Variants in CCAR2 observed in about 807,000 individuals in gnomAD.
CCAR2 encodes the protein cell cycle and apoptosis regulator 2, also known as cell cycle and apoptosis regulator protein 2.
Under a neutral mutation model 108.1 loss-of-function variants are expected in CCAR2, and 21 were observed. That is an observed-to-expected ratio of 0.19 (90% CI 0.14 to 0.28). The LOEUF (loss-of-function observed/expected upper bound fraction) is 0.28. CCAR2 is among the 10% of genes least tolerant of loss of function. CCAR2 has a pLI of 1.00. For synonymous variants in CCAR2, 577 were observed against 472.8 expected (o/e 1.22, Z -2.86); for missense variants, 1,126 against 1,177.0 (o/e 0.96, Z 0.63).
intron 7 of CCAR2, among the ~76,000 whole-genome samples, chr8:22,609,826 C>T (rs984341349): frequency 2.6e-5 from 4 of 152,144 alleles, no homozygotes; most frequent in African/African-American, 9.7e-5. Context: ...TGCTGAGGCC[C>T]ATGCAAGGTC....
chr8:22,614,878 G>T lies in CCAR2; in HGVS notation c.1082G>T (p.Gly361Val). ...GRKEEEAVLV[G>V]GEWSPSLDGL... ...AAAGAAGAGGAGGCAGTGCTGGTTG[G>T]GGGTGAATGGTCTCCTTCCCTGGAT... Residue 361 changes from glycine to valine, a missense_variant, in exon 11 of 21, where the codon GGG becomes GTG. Gly to Val is a moderately radical substitution (Grantham distance 109, BLOSUM62 -3). Transcript: ENST00000308511. 1 of 1,614,052 alleles carries T rather than the reference G, an allele frequency of 6.2e-7. No homozygotes were observed. The highest frequency in any genetic ancestry group is 8.5e-7 in the Non-Finnish European group (1 of 1,180,044).
intron 1 of CCAR2, 157 bp from the exon 2 acceptor site, chr8:22,605,575 ATTTC>A (rs1457292848): frequency 3.4e-6 from 2 of 588,076 alleles, no homozygotes; most frequent in African/African-American, 3.7e-5. Flanking sequence ...TTCTTGTTTC[ATTTC>A]TTTCTTCTCT....
At chr8:22,615,216 C>A in intron 11 of CCAR2, 1 of 860,848 alleles carries the variant, frequency 1.2e-6, no homozygotes, top group Non-Finnish European at 1.7e-6. Context: ...GTCCTTGCAC[C>A]TTGTAGGGTG....
At position 22,607,315 on chromosome 8, in the gene CCAR2, T is replaced by G. The variant is rs202167215; in HGVS notation, c.477T>G (p.Phe159Leu). ...IFQPHRIPPL[F>L]PQKPLSLFQT... is the part of the protein sequence containing the mutation. ...AGCCTCACCGGATTCCCCCACTCTT[T>G]CCTCAGAAGCGTGAGTACGAGTGGC... is the stretch of plus-strand genomic sequence containing the variant. The change falls in exon 6 of 21, where the codon TTT (phenylalanine) becomes TTG (leucine). Residue 159 changes from phenylalanine (F) to leucine (L), a missense_variant. Around this residue, in one of 4 missense-constraint regions of CCAR2, gnomAD observed 1,013 missense variants for 993.9 expected, o/e 1.02. Transcript: ENST00000308511. The G allele has an allele frequency of 2.5e-6, 4 of 1,612,142 alleles. No individual in the cohort carries two copies. The highest frequency in any genetic ancestry group is 1.7e-5 in the Admixed American group (1 of 59,992).
rs1174850076 is a variant in CCAR2 at position 22,613,114 on chromosome 8, C to G, written c.682C>G (p.Leu228Val). 1 of 1,611,388 alleles carries G rather than the reference C, an allele frequency of 6.2e-7. No individual in the cohort carries two copies. The highest frequency in any genetic ancestry group is 1.1e-5 in the South Asian group (1 of 90,706). ...TGACCTGCCTCCTTACCGGGTCCAC[C>G]TCACTCCTTACACTGTGGACAGGTG... ...RHDLPPYRVH[L>V]TPYTVDSPIC... Residue 228 changes from leucine (L) to valine (V), a missense_variant, in exon 8 of 21, where the codon CTC (leucine) becomes GTC (valine). Leu to Val is a conservative substitution (Grantham distance 32). Coordinates refer to ENST00000308511, the MANE Select transcript of CCAR2 (RefSeq NM_001393997.1).
chr8:22,612,416 C>T (rs1801320349), intron 7 of CCAR2, among the ~76,000 whole-genome samples: 2 of 152,018 alleles, frequency 1.3e-5, no homozygotes, highest in Admixed American at 1.3e-4. Flanking sequence ...TGCAGGCACG[C>T]ACCACCAGGC....
At chr8:22,609,061 T>C (rs1801186436) in intron 7 of CCAR2, among the ~76,000 whole-genome samples, 1 of 151,246 alleles carries the variant, frequency 6.6e-6, no homozygotes, top group Admixed American at 6.6e-5. Context: ...TCTTTTTTTT[T>C]TTTTTTTGAG....
rs762998283 is a variant in CCAR2, at chr8:22,614,756, C to T, written c.1042-82C>T. On this transcript the variant is annotated intron_variant, in intron 10 of 20. Coordinates refer to ENST00000308511, the MANE Select transcript of CCAR2 (RefSeq NM_001393997.1). ...TTCCCCACTTCCGGCTGCCTTCATC[C>T]TGATGGGTGGCAGCCTTGCCCTGCA... 1.1e-5 allele frequency: 18 copies of T among 1,585,570 alleles called. No individual in the cohort carries two copies. In the South Asian group the frequency reaches 1.3e-4, roughly 12 times the overall value.
At chr8:22,621,294 G>A, downstream of CCAR2, 4 of 1,290,406 alleles carry the variant, frequency 3.1e-6, no homozygotes, top group African/African-American at 3.0e-5. Context: ...GTCATTCATT[G>A]CAAAGGGCCG....
chr8:22,619,468 T>C, intron 20 of CCAR2, 113 bp downstream of exon 20: 3 of 1,433,010 alleles, frequency 2.1e-6, no homozygotes, highest in Non-Finnish European at 2.9e-6. Context: ...AGGCACCGGC[T>C]TCGTCTTTCC....
chr8:22,605,322 A>G lies in CCAR2; in HGVS notation c.-38-414A>G, dbSNP rs75091232. On this transcript the variant is annotated intron_variant, in intron 1 of 20. Coordinates refer to ENST00000308511, the MANE Select transcript of CCAR2 (RefSeq NM_001393997.1). ...TTGGCGGATGTTTTTGAACGAAGGAATGTCATCGGGGCTCTCTCGAGCCCC... is the reference window on the plus strand; with the variant it reads ...TTGGCGGATGTTTTTGAACGAAGGAGTGTCATCGGGGCTCTCTCGAGCCCC... The G allele has an allele frequency of 8.4e-3, 1,367 of 162,500 alleles. 20 individuals are homozygous for G. The highest frequency in any genetic ancestry group is 0.03 in the African/African-American group (1,268 of 41,648). The allele number at this position is 162,500 out of a possible 1,614,324, so 10.1% of individuals were successfully genotyped here.
chr8:22,613,915 G>T, intron 8 of CCAR2, 177 bp from the exon 9 acceptor site: 1 of 592,354 alleles, frequency 1.7e-6, no homozygotes, highest in Non-Finnish European at 3.0e-6. Flanking sequence ...TTTGACTTTT[G>T]CCATCTAGAG....
intron 7 of CCAR2, among the ~76,000 whole-genome samples, chr8:22,611,758 C>T (rs964355845): frequency 6.6e-6 from 1 of 152,082 alleles, no homozygotes; most frequent in African/African-American, 2.4e-5. Context: ...TTGGGTATTG[C>T]TGAGTATGTA....
Position 22,619,920 on chromosome 8 carries a change from C to T in CCAR2, c.*238C>T. On this transcript the variant is annotated 3_prime_UTR_variant, in exon 21 of 21. Coordinates refer to ENST00000308511, the MANE Select transcript of CCAR2 (RefSeq NM_001393997.1). Reference sequence around the variant, plus strand: ...ACTAAATACAACATCTTTTGCACCCCTAGAATGTCATTTTGCCCTCAACCT... The same window carrying T: ...ACTAAATACAACATCTTTTGCACCCTTAGAATGTCATTTTGCCCTCAACCT... 1 of 560,846 alleles carries T rather than the reference C, an allele frequency of 1.8e-6. No individual in the cohort carries two copies. Among genetic ancestry groups the T allele is most frequent in the Non-Finnish European group, 3.2e-6 (1 of 312,340 alleles). 34.7% of individuals were successfully genotyped at this position (560,846 alleles called of 1,614,324 possible).
At chr8:22,617,665 C>T (rs1801578466) in intron 15 of CCAR2, 31 bp from the exon 16 acceptor site, 1 of 1,614,158 alleles carries the variant, frequency 6.2e-7, no homozygotes, top group Non-Finnish European at 8.5e-7. Context: ...TGGGTGGGCC[C>T]TGCTCTCCAT....
rs1042129670 is a variant in CCAR2 at position 22,606,474 on chromosome 8, G to A, written c.151-133G>A. 3 of 730,044 alleles carry A rather than the reference G, an allele frequency of 4.1e-6. No homozygotes were observed. In the South Asian group the frequency reaches 4.9e-5, roughly 12 times the overall value. 45.2% of individuals were successfully genotyped at this position (730,044 alleles called of 1,614,324 possible). A position where few individuals can be genotyped will look rare whatever the true frequency, so the allele number is the denominator to read the frequency against. Reference sequence around the variant, plus strand: ...ATGATGGAGTATGCCCACCACACCTGTACTTCACTCTGTGCGAACTCTTGA... The same window carrying A: ...ATGATGGAGTATGCCCACCACACCTATACTTCACTCTGTGCGAACTCTTGA... On this transcript the variant is annotated intron_variant, in intron 3 of 20. Transcript: ENST00000308511.
downstream of CCAR2, chr8:22,621,444 A>T: frequency 6.2e-7 from 1 of 1,613,576 alleles, no homozygotes; most frequent in Non-Finnish European, 8.5e-7. Flanking sequence ...CACAATGGAG[A>T]GGGCCCGGAG....
In CCAR2 at chr8:22,618,834, G is replaced by A; in HGVS notation, c.2340G>A (p.Leu780=). Residue 780 remains leucine (L), a synonymous_variant, in exon 19 of 21, where the codon CTG becomes CTA. Transcript: ENST00000308511. ...TTTCACGGTTCTCTCTAGGAAACCT[G>A]GACCTGCTGCCCCCTCCTGGGAAAA... is the stretch of plus-strand genomic sequence containing the variant. The part of the protein sequence containing the change: ...GLPEEVLFGN[L]DLLPPPGKST... 1 of 1,613,668 alleles carries A rather than the reference G, an allele frequency of 6.2e-7. No homozygotes were observed. The highest frequency in any genetic ancestry group is 8.5e-7 in the Non-Finnish European group (1 of 1,179,888).
intron 7 of CCAR2, among the ~76,000 whole-genome samples, chr8:22,609,761 G>C (rs781610510): frequency 4.6e-5 from 7 of 152,130 alleles, no homozygotes; most frequent in Admixed American, 1.3e-4. Context: ...TGGACTTTCT[G>C]CTTTACGGTT....
Sources: allele counts gnomAD v4.1 joint callset (sites outside exome capture counted in the v4.1 genomes callset), GRCh38; gene constraint gnomAD v4.1.1; regional missense constraint gnomAD v4.1.1; transcripts MANE v1.5; gene names NCBI Gene and HGNC (gene_info 2026-07-23, HGNC 2026-07-21).